Variants in FTCDNL1 observed in about 807,000 individuals in gnomAD.
FTCDNL1 encodes the protein formiminotransferase cyclodeaminase N-terminal like, also known as formiminotransferase N-terminal subdomain-containing protein.
Under a neutral mutation model 5.9 loss-of-function variants are expected in FTCDNL1, and 11 were observed. The ratio of observed to expected loss-of-function variants is 1.87; its 90% CI spans 1.18 to 3.10. FTCDNL1 has a LOEUF of 3.10. FTCDNL1 is among the 30% of genes most tolerant of loss of function. The probability of loss-of-function intolerance (pLI) is 0.00; values close to 1 mark genes in which losing one functional copy is unlikely to be tolerated. For missense variants in FTCDNL1, 115 were observed against 65.5 expected, an observed-to-expected ratio of 1.76 and a Z score of -2.61; for synonymous variants, 58 against 24.8, an observed-to-expected ratio of 2.34 and a Z score of -3.99.
intron 3 of FTCDNL1, among the ~76,000 whole-genome samples, chr2:199,785,249 C>CTTTTTTTTTTTTTTTTTTTTTTTT (rs61047289): frequency 3.9e-5 from 3 of 76,864 alleles, no homozygotes; most frequent in African/African-American, 1.1e-4. Context: ...TTCCAAATTC[C>CTTTTTTTTTTTTTTTTTTTTTTTT]TTTTTTTTTT....
the FTCDNL1 span, among the ~76,000 whole-genome samples, chr2:199,675,727 G>A: frequency 3.3e-5 from 5 of 152,258 alleles, no homozygotes; most frequent in East Asian, 9.7e-4. Flanking sequence ...CTGCCAGCAG[G>A]AAGGAAGAGC....
intron 3 of FTCDNL1, chr2:199,844,653 T>C: frequency 4.8e-6 from 2 of 417,448 alleles, no homozygotes; most frequent in Middle Eastern, 7.8e-4. Flanking sequence ...AGATTTTTTG[T>C]CCAAAATAAT....
At chr2:199,721,715 T>C in the FTCDNL1 span, among the ~76,000 whole-genome samples, 1 of 152,220 alleles carries the variant, frequency 6.6e-6, no homozygotes, top group African/African-American at 2.4e-5. Context: ...TCTGCCACAA[T>C]AGTTGAGCTA....
intron 3 of FTCDNL1, among the ~76,000 whole-genome samples, chr2:199,789,150 G>A (rs1407134908): frequency 2.0e-5 from 3 of 151,820 alleles, no homozygotes; most frequent in African/African-American, 7.3e-5. Context: ...TTATATTACA[G>A]CAATTACACC....
intron 3 of FTCDNL1, among the ~76,000 whole-genome samples, chr2:199,791,635 G>A (rs1156476130): frequency 2.0e-5 from 3 of 152,088 alleles, no homozygotes; most frequent in Non-Finnish European, 2.9e-5. Flanking sequence ...CATTTTATGT[G>A]TTGTATTAAC....
chr2:199,716,987 C>T, the FTCDNL1 span, among the ~76,000 whole-genome samples: 1,383 of 152,082 alleles, frequency 9.1e-3, 12 homozygotes, highest in Non-Finnish European at 0.015. Context: ...CTTCGTTTCT[C>T]GGAGTGTTAG....
chr2:199,713,596 T>C, the FTCDNL1 span, among the ~76,000 whole-genome samples: 1 of 152,228 alleles, frequency 6.6e-6, no homozygotes, highest in African/African-American at 2.4e-5. Context: ...TAATAATTAT[T>C]TTTAATCCAT....
At chr2:199,733,032 C>G in the FTCDNL1 span, among the ~76,000 whole-genome samples, 6 of 152,134 alleles carry the variant, frequency 3.9e-5, no homozygotes, top group African/African-American at 1.4e-4. Context: ...TAGAGCTGGA[C>G]AGAAGAGCAT....
At chr2:199,721,297 G>A in the FTCDNL1 span, among the ~76,000 whole-genome samples, 1 of 152,034 alleles carries the variant, frequency 6.6e-6, no homozygotes, top group Admixed American at 6.6e-5. Context: ...ACAGGCTCCA[G>A]TATGTGTTGT....
the FTCDNL1 span, among the ~76,000 whole-genome samples, chr2:199,731,495 C>T: frequency 3.3e-5 from 5 of 152,306 alleles, no homozygotes; most frequent in South Asian, 2.1e-4. Flanking sequence ...TGCACCCTCA[C>T]ATATCACTCA....
At chr2:199,670,053 A>G in the FTCDNL1 span, among the ~76,000 whole-genome samples, 1,718 of 152,334 alleles carry the variant, frequency 0.011, 36 homozygotes, top group African/African-American at 0.039. Context: ...TACATGAAAC[A>G]TAATGTTTCT....
downstream of FTCDNL1, among the ~76,000 whole-genome samples, chr2:199,759,211 A>G (rs111579897): frequency 8.2e-3 from 1,251 of 152,062 alleles, 9 homozygotes; most frequent in Non-Finnish European, 0.014. Flanking sequence ...AGATACACCA[A>G]TTGATAAATG....
chr2:199,666,325 C>A, the FTCDNL1 span, among the ~76,000 whole-genome samples: 1 of 152,090 alleles, frequency 6.6e-6, no homozygotes, highest in Non-Finnish European at 1.5e-5. Context: ...TAAGGAAGGA[C>A]CCCTGAGTCT....
chr2:199,786,946 C>T (rs1407775596), intron 3 of FTCDNL1, among the ~76,000 whole-genome samples: 1 of 152,178 alleles, frequency 6.6e-6, no homozygotes, highest in Non-Finnish European at 1.5e-5. Flanking sequence ...AGGGAAGAAT[C>T]TGTTTCCTTG....
chr2:199,709,575 G>T, the FTCDNL1 span, among the ~76,000 whole-genome samples: 1 of 152,142 alleles, frequency 6.6e-6, no homozygotes, highest in Non-Finnish European at 1.5e-5. Context: ...AGAGCATATT[G>T]TATTGAAAAC....
intron 3 of FTCDNL1, among the ~76,000 whole-genome samples, chr2:199,842,106 A>C (rs2076605222): frequency 6.7e-6 from 1 of 148,570 alleles, no homozygotes; most frequent in South Asian, 2.1e-4. Flanking sequence ...TAAAAATACA[A>C]AAAAAAAAAC....
chr2:199,668,074 G>T, the FTCDNL1 span, among the ~76,000 whole-genome samples: 1 of 152,150 alleles, frequency 6.6e-6, no homozygotes, highest in African/African-American at 2.4e-5. Flanking sequence ...ACTCCCCTTA[G>T]AACTCTTGGG....
intron 3 of FTCDNL1, among the ~76,000 whole-genome samples, chr2:199,793,230 A>C (rs1281542792): frequency 1.3e-5 from 2 of 152,222 alleles, no homozygotes; most frequent in Non-Finnish European, 2.9e-5. Context: ...AAATGGAAAT[A>C]ATACATGAGA....
chr2:199,835,929 C>T (rs1479118427), intron 3 of FTCDNL1, among the ~76,000 whole-genome samples: 1 of 152,178 alleles, frequency 6.6e-6, no homozygotes, highest in Non-Finnish European at 1.5e-5. Flanking sequence ...TTCATGTCTC[C>T]CACAATGACT....
Sources: gnomAD v4.1 joint callset for allele counts (sites outside exome capture counted in the v4.1 genomes callset) on GRCh38, gnomAD v4.1.1 for gene constraint, MANE v1.5 for transcripts, NCBI Gene and HGNC (gene_info 2026-07-23, HGNC 2026-07-21) for gene names.